The following GRIN2B variants were observed in gnomAD, a reference collection of about 807,000 sequenced individuals.
GRIN2B encodes the protein glutamate receptor ionotropic, NMDA 2B.
A neutral mutation model predicts 114.5 loss-of-function variants in GRIN2B; 5 were observed. That is an observed-to-expected ratio of 0.04 (90% CI 0.02 to 0.09). GRIN2B has a LOEUF of 0.09. Among genes scored for constraint, GRIN2B ranks in the 10% least tolerant of loss-of-function variants. GRIN2B has a pLI of 1.00. For missense variants in GRIN2B, 1,108 were observed against 1,943.5 expected (o/e 0.57, Z 8.08); for synonymous variants, 787 against 745.1 (o/e 1.06, Z -0.92).
chr12:13,896,760 A>C (rs1866363068), intron 2 of GRIN2B, among the ~76,000 whole-genome samples: 5 of 152,202 alleles, frequency 3.3e-5, no homozygotes, highest in Admixed American at 3.3e-4. Context: ...TTTATGAGCA[A>C]GTTAATTATA....
At chr12:13,731,416 G>A (rs999872761) in intron 4 of GRIN2B, among the ~76,000 whole-genome samples, 3 of 152,092 alleles carry the variant, frequency 2.0e-5, no homozygotes, top group South Asian at 2.1e-4. Context: ...TGGCTAACAC[G>A]GTGAAACCCC....
chr12:13,739,542 T>C (rs941800491), intron 4 of GRIN2B, among the ~76,000 whole-genome samples: 1 of 152,104 alleles, frequency 6.6e-6, no homozygotes, highest in African/African-American at 2.4e-5. Context: ...TTTGGGGTAA[T>C]GCTGGTCTCT....
At chr12:13,660,705 G>A (rs897515765) in intron 5 of GRIN2B, among the ~76,000 whole-genome samples, 5 of 152,102 alleles carry the variant, frequency 3.3e-5, no homozygotes, top group African/African-American at 4.8e-5. Context: ...TGGGATGAAG[G>A]GATCTAAAAT....
At chr12:13,724,318 C>T (rs565199472) in intron 4 of GRIN2B, among the ~76,000 whole-genome samples, 12 of 152,148 alleles carry the variant, frequency 7.9e-5, no homozygotes, top group African/African-American at 1.7e-4. Context: ...TGGAAAGGCC[C>T]GGCCAATTAC....
intron 4 of GRIN2B, among the ~76,000 whole-genome samples, chr12:13,736,409 CT>C (rs1427359632): frequency 6.6e-6 from 1 of 152,162 alleles, no homozygotes; most frequent in Non-Finnish European, 1.5e-5. Context: ...AAGGAAACCC[CT>C]GTCAAGTGCA....
chr12:13,962,085 TACATACAC>T (rs1368651757), intron 2 of GRIN2B, among the ~76,000 whole-genome samples: 860 of 60,434 alleles, frequency 0.014, 11 homozygotes, highest in African/African-American at 0.045. Flanking sequence ...GTCTCTCTCA[TACATACAC>T]ACACACACAC....
chr12:13,886,618 T>C (rs1866162604), intron 2 of GRIN2B, among the ~76,000 whole-genome samples: 1 of 152,066 alleles, frequency 6.6e-6, no homozygotes, highest in Non-Finnish European at 1.5e-5. Context: ...AGAACCGAGT[T>C]CCCGCAGCCA....
intron 3 of GRIN2B, among the ~76,000 whole-genome samples, chr12:13,810,248 C>T (rs1864703004): frequency 6.7e-6 from 1 of 149,638 alleles, no homozygotes; most frequent in South Asian, 2.1e-4. Context: ...CAGAGGCTTG[C>T]TCTGTTGCCC....
At chr12:13,676,538 G>A (rs1030207402) in intron 4 of GRIN2B, among the ~76,000 whole-genome samples, 1 of 151,950 alleles carries the variant, frequency 6.6e-6, no homozygotes, top group Non-Finnish European at 1.5e-5. Flanking sequence ...CTTACCATGC[G>A]GCCTGGTGCA....
intron 2 of GRIN2B, among the ~76,000 whole-genome samples, chr12:13,903,367 T>C (rs1004863741): frequency 6.6e-6 from 1 of 152,134 alleles, no homozygotes; most frequent in South Asian, 2.1e-4. Flanking sequence ...ATAAAGACCA[T>C]AAATTTCTGT....
chr12:13,855,128 G>A (rs1215086701), intron 3 of GRIN2B, among the ~76,000 whole-genome samples: 2 of 151,572 alleles, frequency 1.3e-5, no homozygotes, highest in Non-Finnish European at 2.9e-5. Context: ...TGAGGCAGCA[G>A]AATCACTTGA....
At chr12:13,917,252 C>A (rs563143834) in intron 2 of GRIN2B, among the ~76,000 whole-genome samples, 2 of 152,290 alleles carry the variant, frequency 1.3e-5, no homozygotes, top group East Asian at 3.9e-4. Context: ...CATAACCCTG[C>A]TAATCAAAAC....
At chr12:13,937,067 T>A (rs1396070481) in intron 2 of GRIN2B, among the ~76,000 whole-genome samples, 1 of 133,612 alleles carries the variant, frequency 7.5e-6, no homozygotes, top group Non-Finnish European at 1.6e-5. Flanking sequence ...AGAGCTAGAG[T>A]TCAAACAGCA....
At chr12:13,851,101 C>T (rs1209071272) in intron 3 of GRIN2B, among the ~76,000 whole-genome samples, 1 of 152,110 alleles carries the variant, frequency 6.6e-6, no homozygotes, top group Non-Finnish European at 1.5e-5. Context: ...CACTCTCCTC[C>T]CAACCAGGGC....
At position 13,948,977 on chromosome 12, in the gene GRIN2B, C is replaced by T. The variant is rs78079627; in HGVS notation, c.-19+30951G>A. 8.6e-3 allele frequency among the ~76,000 whole-genome samples: 1,304 copies of T among 152,250 alleles called. 27 individuals carry two copies. Among genetic ancestry groups the T allele is most frequent in the African/African-American group, 0.03 (1,237 of 41,542 alleles). On this transcript the variant is annotated intron_variant, in intron 2 of 13. Coordinates refer to ENST00000609686, the MANE Select transcript of GRIN2B (RefSeq NM_000834.5). ...TAAGTTCTTGGGAAAGGAGGGAAAG[C>T]AGTCTTAAGAGAGTGTTCCCAGAGG...
At chr12:13,763,742 TG>T (rs1863724625) in intron 3 of GRIN2B, among the ~76,000 whole-genome samples, 1 of 152,210 alleles carries the variant, frequency 6.6e-6, no homozygotes, top group Non-Finnish European at 1.5e-5. Flanking sequence ...GGCAACCCCA[TG>T]GCAGGGTTAA....
intron 4 of GRIN2B, among the ~76,000 whole-genome samples, chr12:13,715,228 C>A (rs957783556): frequency 6.6e-6 from 1 of 151,878 alleles, no homozygotes; most frequent in Admixed American, 6.6e-5. Context: ...TTCCTTCATT[C>A]ACTTTTCTGA....
chr12:13,537,653 G>A lies in GRIN2B; in HGVS notation c.*25130C>T, dbSNP rs1948228845. 6.6e-6 allele frequency: 1 copy of A among 152,130 alleles called. No individual in the cohort carries two copies. Among genetic ancestry groups the A allele is most frequent in the Non-Finnish European group, 1.5e-5 (1 of 68,062 alleles). The allele number at this position is 152,130 out of a possible 1,614,324, so 9.4% of individuals were successfully genotyped here. ...TTTCCCCAGATGCACATACATAGTG[G>A]TTCACATTCTGGCTGTATATTAAAA... On this transcript the variant is annotated 3_prime_UTR_variant, in exon 14 of 14. Coordinates refer to ENST00000609686, the MANE Select transcript of GRIN2B (RefSeq NM_000834.5).
intron 2 of GRIN2B, among the ~76,000 whole-genome samples, chr12:13,867,476 A>G (rs1006029157): frequency 6.6e-5 from 10 of 152,226 alleles, no homozygotes; most frequent in Non-Finnish European, 1.3e-4. Context: ...TGATGGCTAC[A>G]CTAAAAAGCC....
Sources: gnomAD v4.1 joint callset for allele counts (sites outside exome capture counted in the v4.1 genomes callset) on GRCh38, gnomAD v4.1.1 for gene constraint, MANE v1.5 for transcripts, NCBI Gene and HGNC (gene_info 2026-07-23, HGNC 2026-07-21) for gene names.